The following TNFSF13B variants were observed in gnomAD, a reference collection of about 807,000 sequenced individuals.
The protein encoded by TNFSF13B is tumor necrosis factor ligand superfamily member 13B.
Under a neutral mutation model 29.1 loss-of-function variants are expected in TNFSF13B, and 8 were observed. That is an observed-to-expected ratio of 0.27 (90% CI 0.16 to 0.50). The LOEUF (loss-of-function observed/expected upper bound fraction) is 0.50. TNFSF13B is among the 20% of genes least tolerant of loss of function. TNFSF13B has a pLI of 0.98. For missense variants in TNFSF13B, 248 were observed against 334.9 expected, an observed-to-expected ratio of 0.74 and a Z score of 2.03; for synonymous variants, 125 against 130.8, an observed-to-expected ratio of 0.96 and a Z score of 0.30.
At chr13:108,286,621 T>C (rs1297365728) in intron 2 of TNFSF13B, among the ~76,000 whole-genome samples, 182 bp from the exon 3 acceptor site, 3 of 142,072 alleles carry the variant, frequency 2.1e-5, no homozygotes, top group African/African-American at 7.4e-5. Context: ...ATTTCATATA[T>C]ATATATCATA....
intron 3 of TNFSF13B, among the ~76,000 whole-genome samples, chr13:108,292,500 A>T (rs1314410497): frequency 6.6e-6 from 1 of 152,062 alleles, no homozygotes; most frequent in Non-Finnish European, 1.5e-5. Flanking sequence ...TTGCTGAGAA[A>T]ATGTCAACCT....
At chr13:108,285,676 A>G (rs927816340) in intron 2 of TNFSF13B, among the ~76,000 whole-genome samples, 1 of 152,108 alleles carries the variant, frequency 6.6e-6, no homozygotes, top group African/African-American at 2.4e-5. Context: ...TGTATTAGAA[A>G]TTTTTCAGCT....
chr13:108,285,706 A>C (rs1881108447), intron 2 of TNFSF13B, among the ~76,000 whole-genome samples: 1 of 152,184 alleles, frequency 6.6e-6, no homozygotes, highest in Non-Finnish European at 1.5e-5. Context: ...ACAATCACCA[A>C]CTAGTCACAG....
chr13:108,296,174 A>G (rs1881453861), intron 3 of TNFSF13B, among the ~76,000 whole-genome samples: 1 of 145,480 alleles, frequency 6.9e-6, no homozygotes, highest in African/African-American at 2.6e-5. Flanking sequence ...TGGTCTAGCT[A>G]TTATTTCAGG....
intron 3 of TNFSF13B, 68 bp from the exon 4 acceptor site, chr13:108,303,185 A>G: frequency 9.9e-7 from 1 of 1,014,850 alleles, no homozygotes; most frequent in Non-Finnish European, 1.5e-6. Context: ...AGGTAGCTTA[A>G]CAACTAAATG....
chr13:108,300,357 TA>T (rs1881582843), intron 3 of TNFSF13B, among the ~76,000 whole-genome samples: 1 of 152,164 alleles, frequency 6.6e-6, no homozygotes. Flanking sequence ...GAACCAAACA[TA>T]AATGGCCCTT....
intron 3 of TNFSF13B, among the ~76,000 whole-genome samples, chr13:108,298,817 A>G (rs1881524915): frequency 4.1e-5 from 6 of 145,172 alleles, no homozygotes; most frequent in Admixed American, 4.1e-4. Context: ...CTAAAAATAC[A>G]AAACTTAGCC....
intron 3 of TNFSF13B, among the ~76,000 whole-genome samples, chr13:108,293,605 A>G (rs1173524090): frequency 6.6e-6 from 1 of 152,158 alleles, no homozygotes; most frequent in African/African-American, 2.4e-5. Flanking sequence ...TCTTATAGCA[A>G]TCTTTTGTAG....
At chr13:108,303,180 G>A (rs1455519061) in intron 3 of TNFSF13B, 73 bp from the exon 4 acceptor site, 6 of 951,336 alleles carry the variant, frequency 6.3e-6, no homozygotes, top group Non-Finnish European at 9.4e-6. Flanking sequence ...TTCAGAGGTA[G>A]CTTAACAACT....
chr13:108,291,213 C>A (rs1003476315), intron 3 of TNFSF13B, among the ~76,000 whole-genome samples: 1 of 150,842 alleles, frequency 6.6e-6, no homozygotes, highest in Non-Finnish European at 1.5e-5. Flanking sequence ...TAGAATTTTT[C>A]TTTTTTTTCT....
At chr13:108,273,788 G>A (rs189810044) in intron 2 of TNFSF13B, among the ~76,000 whole-genome samples, 35 of 152,220 alleles carry the variant, frequency 2.3e-4, no homozygotes, top group Admixed American at 1.8e-3. Context: ...TAGAAAATGC[G>A]ATAGTGATGC....
At chr13:108,271,583 T>A (rs1472882703) in intron 2 of TNFSF13B, among the ~76,000 whole-genome samples, 1 of 152,168 alleles carries the variant, frequency 6.6e-6, no homozygotes, top group East Asian at 1.9e-4. Context: ...ATTTTTGGTA[T>A]CTGGTTATTG....
intron 3 of TNFSF13B, among the ~76,000 whole-genome samples, chr13:108,294,509 T>C (rs368857742): frequency 1.3e-5 from 2 of 152,190 alleles, no homozygotes; most frequent in African/African-American, 4.8e-5. Context: ...AATTATGATA[T>C]CTGCAAATAG....
At chr13:108,287,586 TAGAC>T (rs1290725319) in intron 3 of TNFSF13B, among the ~76,000 whole-genome samples, 2 of 152,188 alleles carry the variant, frequency 1.3e-5, no homozygotes, top group Non-Finnish European at 2.9e-5. Context: ...TTTTATTATT[TAGAC>T]AGCATTTTAT....
At chr13:108,278,599 T>C (rs1283224389) in intron 2 of TNFSF13B, among the ~76,000 whole-genome samples, 1 of 196 alleles carries the variant, frequency 5.1e-3, no homozygotes, top group Non-Finnish European at 0.011. Flanking sequence ...CCCCTTCTCT[T>C]CCTCCTCCTC....
At chr13:108,304,392 A>G (rs888187616) in intron 5 of TNFSF13B, among the ~76,000 whole-genome samples, 1 of 152,214 alleles carries the variant, frequency 6.6e-6, no homozygotes, top group African/African-American at 2.4e-5. Flanking sequence ...TGGACACCAG[A>G]CAGGTGACTT....
chr13:108,303,535 C>A lies in TNFSF13B; in HGVS notation c.676C>A (p.Leu226Met). 1.2e-6 allele frequency: 2 copies of A among 1,613,742 alleles called. No homozygotes were observed. The highest frequency in any genetic ancestry group is 1.7e-6 in the Non-Finnish European group (2 of 1,179,810). Residue 226 changes from leucine to methionine, a missense_variant, in exon 5 of 6, where the codon CTG becomes ATG. Transcript: ENST00000375887. The stretch of plus-strand genomic sequence containing the variant: ...CCATGTCTTTGGGGATGAATTGAGT[C>A]TGGTGACTTTGTTTCGATGTATTCA... The part of the protein sequence containing the change: ...KVHVFGDELS[L>M]VTLFRCIQNM...
At chr13:108,299,686 T>C (rs1435309462) in intron 3 of TNFSF13B, among the ~76,000 whole-genome samples, 1 of 152,166 alleles carries the variant, frequency 6.6e-6, no homozygotes, top group African/African-American at 2.4e-5. Flanking sequence ...AACTGGGGTA[T>C]TTCTTCAAAC....
In TNFSF13B at chr13:108,270,351, A is replaced by T; in HGVS notation, c.351A>T (p.Pro117=). The part of the protein sequence containing the change: ...AVTAGLKIFE[P]PAPGEGNSSQ... ...TTTTCTGTTCATAGATCTTTGAACC[A>T]CCAGCTCCAGGAGAAGGCAACTCCA... Residue 117 remains proline (P), a synonymous_variant, in exon 2 of 6, where the codon CCA becomes CCT. Transcript: ENST00000375887. The T allele has an allele frequency of 6.2e-7, 1 of 1,614,178 alleles. No homozygotes were observed. Among genetic ancestry groups the T allele is most frequent in the Non-Finnish European group, 8.5e-7 (1 of 1,180,014 alleles).
Sources: allele counts gnomAD v4.1 joint callset (sites outside exome capture counted in the v4.1 genomes callset), GRCh38; gene constraint gnomAD v4.1.1; transcripts MANE v1.5; gene names NCBI Gene and HGNC (gene_info 2026-07-23, HGNC 2026-07-21).